The following SAMMSON variants were observed in gnomAD, a reference collection of about 807,000 sequenced individuals.
The protein encoded by SAMMSON is long intergenic non-protein coding RNA 1212.
chr3:70,049,270 T>G (rs1312593103), intron 3 of SAMMSON, among the ~76,000 whole-genome samples: 1 of 152,110 alleles, frequency 6.6e-6, no homozygotes, highest in East Asian at 1.9e-4. Context: ...CTTAGGAAAC[T>G]TCAGTACATC....
chr3:70,307,558 TG>T (rs965859731), intron 7 of SAMMSON, among the ~76,000 whole-genome samples: 1 of 152,158 alleles, frequency 6.6e-6, no homozygotes, highest in African/African-American at 2.4e-5. Context: ...TTTTCACATT[TG>T]GGCCTATTTT....
At chr3:70,289,547 C>G (rs1470717940) in intron 6 of SAMMSON, among the ~76,000 whole-genome samples, 1 of 147,984 alleles carries the variant, frequency 6.8e-6, no homozygotes, top group Non-Finnish European at 1.5e-5. Context: ...CTTGGAGTTG[C>G]TCTTCTCGAG....
At chr3:70,400,820 T>C (rs905227639) in intron 2 of SAMMSON, among the ~76,000 whole-genome samples, 1 of 152,050 alleles carries the variant, frequency 6.6e-6, no homozygotes, top group Non-Finnish European at 1.5e-5. Flanking sequence ...TAATTCCAGC[T>C]ACTCAGGAGG....
At chr3:70,082,460 T>C (rs114109853) in intron 4 of SAMMSON, among the ~76,000 whole-genome samples, 50 of 152,280 alleles carry the variant, frequency 3.3e-4, no homozygotes, top group African/African-American at 1.2e-3. Context: ...GGAGTTAGGC[T>C]ACATGTTGGT....
intron 2 of SAMMSON, among the ~76,000 whole-genome samples, chr3:70,403,987 A>C (rs991471252): frequency 5.3e-5 from 8 of 152,180 alleles, no homozygotes; most frequent in Non-Finnish European, 1.0e-4. Flanking sequence ...TCAAAATACA[A>C]AGTCCATGTT....
At chr3:70,412,684 G>A (rs951733544) in intron 2 of SAMMSON, among the ~76,000 whole-genome samples, 7 of 152,102 alleles carry the variant, frequency 4.6e-5, no homozygotes, top group Non-Finnish European at 8.8e-5. Context: ...CTGTCGCTTA[G>A]CAGGGATAAG....
rs2067276487 is a variant in SAMMSON at position 70,083,938 on chromosome 3, A to C, written n.507+12373A>C. Among the ~76,000 whole-genome samples, 3 of 152,190 alleles carry C rather than the reference A, an allele frequency of 2.0e-5. No individual in the cohort carries two copies. The South Asian group carries it at 6.2e-4, about 32-fold the overall frequency. On this transcript the variant is annotated intron_variant and non_coding_transcript_variant, in intron 4 of 9. Transcript: ENST00000642114. Reference sequence around the variant, plus strand: ...TAAATAAGGGTGGAATGAGTGAATGAATGAATGAGTGGAGATGAGTAGCAC... The same window carrying C: ...TAAATAAGGGTGGAATGAGTGAATGCATGAATGAGTGGAGATGAGTAGCAC...
rs12632440 is a variant in SAMMSON, at chr3:70,189,827, C to T, written n.508-59280C>T. Among the ~76,000 whole-genome samples, 1,708 of 152,242 alleles carry T rather than the reference C, an allele frequency of 0.011. 67 individuals are homozygous for T. In the East Asian group the frequency reaches 0.15, roughly 13 times the overall value. On this transcript the variant is annotated intron_variant and non_coding_transcript_variant, in intron 4 of 9. Transcript: ENST00000642114. ...TGCACCGTAGGCACATTAGATTTAG[C>T]ATCTCTGGAAATTCCAGAGCAATTT... is the stretch of plus-strand genomic sequence containing the variant.
intron 2 of SAMMSON, chr3:70,012,602 A>G (rs2066962588): frequency 6.6e-6 from 1 of 152,124 alleles, no homozygotes; most frequent in Non-Finnish European, 1.5e-5. Context: ...GTGTAAGGTA[A>G]TACATTTTTG....
chr3:70,233,257 T>A (rs1436059574), intron 4 of SAMMSON, among the ~76,000 whole-genome samples: 1 of 152,152 alleles, frequency 6.6e-6, no homozygotes, highest in Non-Finnish European at 1.5e-5. Flanking sequence ...CTGCAAAAGA[T>A]AAAAGCTGAA....
At chr3:70,160,062 T>A (rs932109730) in intron 4 of SAMMSON, among the ~76,000 whole-genome samples, 1 of 152,254 alleles carries the variant, frequency 6.6e-6, no homozygotes. Context: ...TAGACACATA[T>A]TTTGCAAATA....
chr3:70,226,507 G>T (rs1701508045), intron 4 of SAMMSON, among the ~76,000 whole-genome samples: 1 of 152,138 alleles, frequency 6.6e-6, no homozygotes, highest in African/African-American at 2.4e-5. Context: ...GGAGGCTGAG[G>T]CATGTGGATT....
intron 7 of SAMMSON, among the ~76,000 whole-genome samples, chr3:70,299,238 G>T (rs1004527706): frequency 6.3e-4 from 96 of 152,042 alleles, no homozygotes; most frequent in African/African-American, 2.1e-3. Flanking sequence ...CCCTAGAAAG[G>T]TGTTCACATT....
At chr3:70,180,002 G>A (rs7641398) in intron 4 of SAMMSON, among the ~76,000 whole-genome samples, 2 of 67,646 alleles carry the variant, frequency 3.0e-5, no homozygotes, top group South Asian at 8.5e-4. Flanking sequence ...CCTGTGCTTC[G>A]TATGTGTGTG....
chr3:70,357,519 A>G (rs1471728428), intron 8 of SAMMSON, among the ~76,000 whole-genome samples: 1 of 152,120 alleles, frequency 6.6e-6, no homozygotes, highest in Non-Finnish European at 1.5e-5. Flanking sequence ...AAAAAGTGAA[A>G]TAATTACATG....
intron 6 of SAMMSON, among the ~76,000 whole-genome samples, chr3:70,274,607 C>A (rs899533770): frequency 8.5e-5 from 13 of 152,072 alleles, no homozygotes; most frequent in African/African-American, 3.1e-4. Flanking sequence ...TGGTGGGAAA[C>A]AACACACACT....
At chr3:70,069,249 G>A (rs1259093564) in intron 3 of SAMMSON, 2 of 152,028 alleles carry the variant, frequency 1.3e-5, no homozygotes, top group Non-Finnish European at 2.9e-5. Flanking sequence ...TTTGTGATGT[G>A]GTTCAAATGG....
chr3:70,293,702 T>A (rs1282832899), intron 7 of SAMMSON, among the ~76,000 whole-genome samples: 2 of 152,092 alleles, frequency 1.3e-5, no homozygotes, highest in African/African-American at 4.8e-5. Context: ...TCTATTTCAC[T>A]AGAAGTAACA....
intron 9 of SAMMSON, among the ~76,000 whole-genome samples, chr3:70,378,618 A>G (rs1403409809): frequency 6.6e-6 from 1 of 152,160 alleles, no homozygotes; most frequent in Non-Finnish European, 1.5e-5. Context: ...ACAGTTGTAT[A>G]TACTTGCAGA....
Sources: allele counts gnomAD v4.1 joint callset (sites outside exome capture counted in the v4.1 genomes callset), GRCh38; gene constraint gnomAD v4.1.1; transcripts MANE v1.5; gene names NCBI Gene and HGNC (gene_info 2026-07-23, HGNC 2026-07-21).